Variants in NEB observed in about 807,000 individuals in gnomAD.
The protein encoded by NEB is nebulin.
In NEB, 512 loss-of-function variants were observed where a neutral mutation model predicts 952.2. That is an observed-to-expected ratio of 0.54 (90% CI 0.50 to 0.58). The LOEUF (loss-of-function observed/expected upper bound fraction) is 0.58. Among genes scored for constraint, NEB ranks in the 20% least tolerant of loss-of-function variants. The pLI is 0.00. For missense variants in NEB, 8,428 were observed against 9,231.1 expected, an observed-to-expected ratio of 0.91 and a Z score of 3.56; for synonymous variants, 2,900 against 3,149.8, an observed-to-expected ratio of 0.92 and a Z score of 2.66.
At chr2:151,690,648 A>T in intron 24 of NEB, 79 bp downstream of exon 24, 1 of 1,012,208 alleles carries the variant, frequency 9.9e-7, no homozygotes, top group East Asian at 2.6e-5. Flanking sequence ...GCCCATGAAG[A>T]TTAAGCATGT....
Position 151,724,924 on chromosome 2 carries a change from A to G in NEB, c.440T>C (p.Ile147Thr). The G allele has an allele frequency of 6.2e-7, 1 of 1,613,842 alleles. No homozygotes were observed. Residue 147 changes from isoleucine (I) to threonine (T), a missense_variant, in exon 7 of 182, where the codon ATA becomes ACA. Ile to Thr is a moderately conservative substitution (Grantham distance 89, BLOSUM62 -1). This residue lies in a region of NEB where 2,851 missense variants were observed against 2,791.5 expected (regional missense o/e 1.02). Coordinates refer to ENST00000397345, the MANE Select transcript of NEB (RefSeq NM_001164508.2). ...YRMDGDVAKTICHVDEKAKDI... is the reference protein window; with the variant it reads ...YRMDGDVAKTTCHVDEKAKDI... ...CTTTGCTTTTTCATCTACGTGACAT[A>G]TAGTCTTAGCAACATCACCATCCAT...
At chr2:151,611,449 G>A (rs1215993730) in intron 78 of NEB, among the ~76,000 whole-genome samples, 1 of 152,142 alleles carries the variant, frequency 6.6e-6, no homozygotes, top group African/African-American at 2.4e-5. Flanking sequence ...GTATAAAAGA[G>A]TTTCTAGAGT....
chr2:151,694,486 G>A (rs752826478), intron 19 of NEB, 36 bp downstream of exon 19: 23 of 1,613,272 alleles, frequency 1.4e-5, no homozygotes, highest in Admixed American at 3.3e-5. Flanking sequence ...AAATGTCCCC[G>A]AAGCCAGCCT....
intron 77 of NEB, among the ~76,000 whole-genome samples, chr2:151,612,977 A>T (rs2098053361): frequency 6.6e-6 from 1 of 152,106 alleles, no homozygotes; most frequent in Non-Finnish European, 1.5e-5. Flanking sequence ...AAACAAATAC[A>T]TTTTTTCTTT....
intron 52 of NEB, among the ~76,000 whole-genome samples, chr2:151,651,365 C>T (rs190800576): frequency 6.6e-6 from 1 of 152,108 alleles, no homozygotes; most frequent in Non-Finnish European, 1.5e-5. Flanking sequence ...AAATGATAAT[C>T]CTTACGGGCT....
chr2:151,486,420 G>A (rs2050432378), intron 181 of NEB: 1 of 157,786 alleles, frequency 6.3e-6, no homozygotes. Context: ...AAAGAGTGCA[G>A]CCACCTTGGA....
At chr2:151,522,192 G>T (rs79578929) in intron 153 of NEB, among the ~76,000 whole-genome samples, 4,581 of 152,238 alleles carry the variant, frequency 0.03, 90 homozygotes, top group South Asian at 0.058. Context: ...TGAAGTTTAA[G>T]ATCTAATTTT....
chr2:151,665,015 A>C (rs2099195646), intron 42 of NEB, among the ~76,000 whole-genome samples, 152 bp from the exon 43 acceptor site: 1 of 152,184 alleles, frequency 6.6e-6, no homozygotes. Flanking sequence ...AAGTAAACTA[A>C]ATACACAATA....
At chr2:151,708,767 C>CA (rs1233540589) in intron 12 of NEB, among the ~76,000 whole-genome samples, 48 of 152,118 alleles carry the variant, frequency 3.2e-4, no homozygotes, top group Admixed American at 3.0e-3. Context: ...GTCTGTCCTC[C>CA]AAAAAAATTA....
rs544200886 is a variant in NEB, at chr2:151,524,548, C to G, written c.22341G>C (p.Lys7447Asn). Residue 7447 changes from lysine to asparagine, a missense_variant, in exon 152 of 182, where the codon AAG (lysine) becomes AAC (asparagine). By Grantham distance (94) the Lys-to-Asn change is moderately conservative (BLOSUM62 0). Transcript: ENST00000397345. Reference sequence around the variant, plus strand: ...CCTGTTTGGCTGCCTGTGTGGCCTTCTTGATGTCTGGTCGATCAGCCACTG... The same window carrying G: ...CCTGTTTGGCTGCCTGTGTGGCCTTGTTGATGTCTGGTCGATCAGCCACTG... ...YTTVADRPDI[K>N]KATQAAKQAS... The G allele has an allele frequency of 3.9e-5, 63 of 1,599,212 alleles. No individual in the cohort carries two copies. The South Asian group carries it at 6.5e-4, about 17-fold the overall frequency.
intron 3 of NEB, among the ~76,000 whole-genome samples, chr2:151,732,790 C>T (rs577263890): frequency 1.6e-3 from 238 of 152,264 alleles, no homozygotes; most frequent in African/African-American, 5.6e-3. Context: ...AGAACTTTCT[C>T]TTCGTCTCTG....
At chr2:151,652,128 G>C (rs1383480646) in intron 52 of NEB, among the ~76,000 whole-genome samples, 1 of 152,044 alleles carries the variant, frequency 6.6e-6, no homozygotes, top group African/African-American at 2.4e-5. Flanking sequence ...AGAGCTTATT[G>C]GTAAAATATT....
At chr2:151,678,310 T>G (rs2099388184) in intron 32 of NEB, 123 bp from the exon 33 acceptor site, 1 of 612,442 alleles carries the variant, frequency 1.6e-6, no homozygotes, top group African/African-American at 1.8e-5. Flanking sequence ...ACCAAACAAT[T>G]AACAATTCAC....
chr2:151,512,721 G>GA lies in NEB; in HGVS notation c.23346+11dup. On this transcript the variant is annotated intron_variant, in intron 161 of 181. Coordinates refer to ENST00000397345, the MANE Select transcript of NEB (RefSeq NM_001164508.2). ...TGGGGTTTATGAGTGATGGCATGACGAATGTCCTTACCTGGCTTGAAAGAT... is the reference window on the plus strand; with the variant it reads ...TGGGGTTTATGAGTGATGGCATGACGAAATGTCCTTACCTGGCTTGAAAGAT... 2 of 1,589,752 alleles carry GA rather than the reference G, an allele frequency of 1.3e-6. No individual in the cohort carries two copies. The highest frequency in any genetic ancestry group is 1.7e-6 in the Non-Finnish European group (2 of 1,158,218).
chr2:151,662,040 C>T (rs1448171867), intron 46 of NEB, 95 bp downstream of exon 46: 4 of 1,067,306 alleles, frequency 3.7e-6, no homozygotes, highest in Non-Finnish European at 5.4e-6. Flanking sequence ...AGTGTGATGC[C>T]CTATAACTGT....
At chr2:151,621,159 C>T in intron 71 of NEB, 133 bp from the exon 72 acceptor site, 1 of 617,084 alleles carries the variant, frequency 1.6e-6, no homozygotes, top group Non-Finnish European at 2.8e-6. Context: ...AAAAAGAACT[C>T]TTTCTTTTAC....
intron 40 of NEB, among the ~76,000 whole-genome samples, chr2:151,666,883 A>C (rs545121121): frequency 1.3e-5 from 2 of 152,020 alleles, no homozygotes; most frequent in African/African-American, 4.8e-5. Context: ...TTTTATGACT[A>C]TATTTCCATT....
intron 124 of NEB, among the ~76,000 whole-genome samples, chr2:151,559,617 A>G (rs2095890238): frequency 6.6e-6 from 1 of 152,262 alleles, no homozygotes; most frequent in Non-Finnish European, 1.5e-5. Flanking sequence ...AGCCATAAAA[A>G]AGATGAGTTC....
At position 151,519,043 on chromosome 2, in the gene NEB, T is replaced by A. The variant is rs755199802; in HGVS notation, c.22617A>T (p.Lys7539Asn). 34 of 1,613,282 alleles carry A rather than the reference T, an allele frequency of 2.1e-5. No homozygotes were observed. Among genetic ancestry groups the A allele is most frequent in the Non-Finnish European group, 2.7e-5 (32 of 1,179,348 alleles). ...SEVKYKADLK[K>N]LHKPVTDMKE... ...TCATGTCAGTCACGGGTTTGTGAAG[T>A]TTCTTCAGGTCAGCCTTGTATTTAA... Residue 7539 changes from lysine to asparagine, a missense_variant, in exon 155 of 182, where the codon AAA becomes AAT. Lys to Asn is a moderately conservative substitution (Grantham distance 94, BLOSUM62 0). Around this residue, in one of 11 missense-constraint regions of NEB, gnomAD observed 3,374 missense variants for 3,651.5 expected, o/e 0.92. Transcript: ENST00000397345.
Sources: allele counts gnomAD v4.1 joint callset (sites outside exome capture counted in the v4.1 genomes callset), GRCh38; gene constraint gnomAD v4.1.1; regional missense constraint gnomAD v4.1.1; transcripts MANE v1.5; gene names NCBI Gene and HGNC (gene_info 2026-07-23, HGNC 2026-07-21).